C9orf78: variants seen among roughly 807,000 people sequenced by gnomAD.
C9orf78 encodes the protein splicing factor C9orf78.
C9orf78 carries 19 observed loss-of-function variants against 37.4 expected under a neutral mutation model. The observed-to-expected ratio is 0.51, with a 90% CI of 0.35 to 0.74. C9orf78 has a LOEUF of 0.74. Among genes scored for constraint, C9orf78 ranks in the 30% least tolerant of loss-of-function variants. C9orf78 has a pLI of 0.01. For missense variants in C9orf78, 291 were observed against 370.8 expected, an observed-to-expected ratio of 0.78 and a Z score of 1.77; for synonymous variants, 130 against 128.0, an observed-to-expected ratio of 1.02 and a Z score of -0.10.
Position 129,830,905 on chromosome 9 carries a change from G to C in C9orf78, c.508C>G (p.Leu170Val). 1.2e-6 allele frequency: 2 copies of C among 1,613,784 alleles called. No individual in the cohort carries two copies. The highest frequency in any genetic ancestry group is 1.7e-5 in the Admixed American group (1 of 60,006). ...AGGTCCACCTCAGGAATGCCACTCA[G>C]CATCTGGTTGGAAAGCATCTCCTCG... ...KTEEMLSNQM[L>V]SGIPEVDLGI... Residue 170 changes from leucine (L) to valine (V), a missense_variant, in exon 6 of 9, where the codon CTG becomes GTG. Transcript: ENST00000372447.
intron 5 of C9orf78, 134 bp from the exon 6 acceptor site, chr9:129,831,202 G>GT (rs1230193435): frequency 3.1e-6 from 2 of 654,838 alleles, no homozygotes; most frequent in African/African-American, 1.8e-5. Flanking sequence ...AATAACTTGA[G>GT]TTTTTTCATC....
At chr9:129,834,095 T>C (rs1456189986) in intron 2 of C9orf78, 2 of 234,658 alleles carry the variant, frequency 8.5e-6, no homozygotes, top group East Asian at 2.3e-4. Flanking sequence ...TGTCCCAAAA[T>C]AGGGGATTTG....
chr9:129,835,073 C>A, intron 1 of C9orf78, 66 bp downstream of exon 1: 1 of 1,231,146 alleles, frequency 8.1e-7, no homozygotes, highest in Non-Finnish European at 1.2e-6. Flanking sequence ...AAGCGCCGAG[C>A]CGGTGGTGAG....
Position 129,831,949 on chromosome 9 carries a change from G to C in C9orf78, c.291C>G (p.His97Gln). 1 of 1,578,080 alleles carries C rather than the reference G, an allele frequency of 6.3e-7. No individual in the cohort carries two copies. The highest frequency in any genetic ancestry group is 1.1e-5 in the South Asian group (1 of 90,310). Residue 97 changes from histidine to glutamine, a missense_variant, in exon 5 of 9, where the codon CAC (histidine) becomes CAG (glutamine). Physicochemically the swap from His to Gln is conservative, Grantham distance 24. Transcript: ENST00000372447. ...TTTCTGCAGAAAACGATGTCCCCAG[G>C]TGCAGGTCCTCCTCCTCACTGATCC... ...KDKISEEEDL[H>Q]LGTSFSAETN... is the part of the protein sequence containing the mutation.
intron 2 of C9orf78, 56 bp downstream of exon 2, chr9:129,834,651 A>T (rs1017187361): frequency 1.6e-6 from 2 of 1,242,172 alleles, no homozygotes; most frequent in African/African-American, 3.0e-5. Context: ...AGCGACCCGG[A>T]CGCGGATGTG....
Position 129,829,281 on chromosome 9 carries a change from C to A in C9orf78, c.702G>T (p.Ala234=). ...HNRFYHEELN[A]PIRRNKEEPK... Reference sequence around the variant, plus strand: ...GCTCTTCTTTGTTTCTCCGTATGGGCGCGTTGAGCTCCTCATGATAAACTG... The same window carrying A: ...GCTCTTCTTTGTTTCTCCGTATGGGAGCGTTGAGCTCCTCATGATAAACTG... Residue 234 remains alanine (A), a synonymous_variant, in exon 8 of 9, where the codon GCG becomes GCT. Transcript: ENST00000372447. The A allele has an allele frequency of 6.2e-7, 1 of 1,609,428 alleles. No homozygotes were observed. Among genetic ancestry groups the A allele is most frequent in the Non-Finnish European group, 8.5e-7 (1 of 1,177,888 alleles).
chr9:129,830,933 C>T lies in C9orf78; in HGVS notation c.480G>A (p.Lys160=). Residue 160 remains lysine, a synonymous_variant, in exon 6 of 9, where the codon AAG becomes AAA. Transcript: ENST00000372447. ...PENIRVSSAK[K]TEEMLSNQML... is the part of the protein sequence containing the mutation. ...TCTGGTTGGAAAGCATCTCCTCGGT[C>T]TTCTTTGCTGAGGAAACACGGATGT... The T allele has an allele frequency of 6.2e-7, 1 of 1,613,882 alleles. No individual in the cohort carries two copies. Among genetic ancestry groups the T allele is most frequent in the Non-Finnish European group, 8.5e-7 (1 of 1,179,728 alleles).
intron 5 of C9orf78, 72 bp from the exon 6 acceptor site, chr9:129,831,140 C>T (rs1392136324): frequency 1.1e-6 from 1 of 914,832 alleles, no homozygotes; most frequent in Admixed American, 1.7e-5. Context: ...AATCAGTGGT[C>T]CCCAACACTG....
intron 4 of C9orf78, among the ~76,000 whole-genome samples, chr9:129,832,731 A>G (rs554879779): frequency 6.6e-6 from 1 of 152,208 alleles, no homozygotes; most frequent in African/African-American, 2.4e-5. Context: ...GAGCCACCGC[A>G]GCTGGCCTGA....
chr9:129,828,579 T>G, intron 8 of C9orf78: 1 of 244,146 alleles, frequency 4.1e-6, no homozygotes, highest in Non-Finnish European at 8.2e-6. Flanking sequence ...ACCTGCCACC[T>G]CACCTGGCTA....
chr9:129,834,331 G>A (rs992941974), intron 2 of C9orf78: 3 of 225,862 alleles, frequency 1.3e-5, no homozygotes, highest in African/African-American at 4.6e-5. Context: ...GGGTGGCTCT[G>A]CAAGGAAAAA....
At position 129,831,836 on chromosome 9, in the gene C9orf78, T is replaced by A. The variant is rs1564188184; in HGVS notation, c.344+60A>T. On this transcript the variant is annotated intron_variant, in intron 5 of 8. Coordinates refer to ENST00000372447, the MANE Select transcript of C9orf78 (RefSeq NM_016520.3). ...AGAAATGTCATCTGTTGACTAAATA[T>A]CTTGGACTCTGACTGGAGTCCAGCC... is the stretch of plus-strand genomic sequence containing the variant. The A allele has an allele frequency of 4.8e-6, 4 of 829,892 alleles. No homozygotes were observed. In the East Asian group the frequency reaches 9.7e-5, roughly 20 times the overall value. The allele number at this position is 829,892 out of a possible 1,614,324, so 51.4% of individuals were successfully genotyped here.
intron 3 of C9orf78, 56 bp from the exon 4 acceptor site, chr9:129,833,573 T>A: frequency 1.3e-6 from 2 of 1,500,176 alleles, no homozygotes; most frequent in Non-Finnish European, 1.9e-6. Context: ...TAGTGGAATT[T>A]TTTTTTTTGT....
Position 129,829,318 on chromosome 9 carries a change from AC to A in C9orf78, c.680-16del. 3 of 1,601,532 alleles carry A rather than the reference AC, an allele frequency of 1.9e-6. No individual in the cohort carries two copies. Among genetic ancestry groups the A allele is most frequent in the Non-Finnish European group, 2.6e-6 (3 of 1,172,582 alleles). ...CTCATGATAAACTGGACCCAAAGAG[AC>A]CAGGGGACACGTTAGAACATGAGGT... On this transcript the variant is annotated splice_polypyrimidine_tract_variant and intron_variant, in intron 7 of 8. Coordinates refer to ENST00000372447, the MANE Select transcript of C9orf78 (RefSeq NM_016520.3).
chr9:129,832,071 A>C (rs1239065028), intron 4 of C9orf78, 98 bp from the exon 5 acceptor site: 3 of 697,032 alleles, frequency 4.3e-6, no homozygotes, highest in Non-Finnish European at 7.9e-6. Flanking sequence ...AGCATTTATA[A>C]TATCCTATTT....
rs1305984505 is a variant in C9orf78 at position 129,829,463 on chromosome 9, GTC to G, written c.619_620del (p.Asp207GlnfsTer23). 1 of 1,613,898 alleles carries G rather than the reference GTC, an allele frequency of 6.2e-7. No individual in the cohort carries two copies. Among genetic ancestry groups the G allele is most frequent in the African/African-American group, 1.3e-5 (1 of 74,878 alleles). Reference protein sequence around the residue: ...LLAEQQNKKKDSETSFVPTNM... With the variant: ...LLAEQQNKKKXSETSFVPTNM... ...TGGTAGGCACGAAGGAGGTCTCGCTGTCTTTCTTCTTGTTCTGCTGCTCTGCC... is the reference window on the plus strand; with the variant it reads ...TGGTAGGCACGAAGGAGGTCTCGCTGTTTCTTCTTGTTCTGCTGCTCTGCC... On this transcript the variant is annotated frameshift_variant, in exon 7 of 9. Coordinates refer to ENST00000372447, the MANE Select transcript of C9orf78 (RefSeq NM_016520.3). LOFTEE classifies it high-confidence loss of function.
chr9:129,833,009 G>GTGTGTGTATATGTGTATATACA (rs908886339), intron 4 of C9orf78, among the ~76,000 whole-genome samples: 2 of 143,038 alleles, frequency 1.4e-5, no homozygotes, highest in African/African-American at 4.9e-5. Flanking sequence ...GTGTGTGTGT[G>GTGTGTGTATATGTGTATATACA]TGTGTGTATA....
At chr9:129,833,541 G>A in intron 3 of C9orf78, 24 bp from the exon 4 acceptor site, 3 of 1,561,430 alleles carry the variant, frequency 1.9e-6, no homozygotes, top group Non-Finnish European at 2.7e-6. Context: ...ACACAGTTAA[G>A]AGGAAGCATC....
chr9:129,830,700 C>T lies in C9orf78; in HGVS notation c.542+171G>A, dbSNP rs557732711. The T allele has an allele frequency of 1.7e-5, 10 of 584,310 alleles. No homozygotes were observed. In the Admixed American group the frequency reaches 2.0e-4, roughly 12 times the overall value. The allele number at this position is 584,310 out of a possible 1,614,324, so 36.2% of individuals were successfully genotyped here. ...CTAATTTTTGTATTTTTAGTAGAGA[C>T]GGGGTTCGACCATCTTGGCCGGGCT... On this transcript the variant is annotated intron_variant, in intron 6 of 8. Coordinates refer to ENST00000372447, the MANE Select transcript of C9orf78 (RefSeq NM_016520.3).
Sources: allele counts gnomAD v4.1 joint callset (sites outside exome capture counted in the v4.1 genomes callset), GRCh38; gene constraint gnomAD v4.1.1; transcripts MANE v1.5; gene names NCBI Gene and HGNC (gene_info 2026-07-23, HGNC 2026-07-21).